INTS3: variants seen among roughly 807,000 people sequenced by gnomAD.
The protein encoded by INTS3 is SOSS complex subunit A.
A neutral mutation model predicts 146.3 loss-of-function variants in INTS3; 34 were observed. That is an observed-to-expected ratio of 0.23 (90% CI 0.18 to 0.31). The LOEUF (loss-of-function observed/expected upper bound fraction) is 0.31, where lower values mean the gene tolerates loss of function less well. Ranked by LOEUF, INTS3 falls within the 10% of genes least tolerant of loss-of-function variation. INTS3 has a pLI of 1.00. For synonymous variants in INTS3, 475 were observed against 494.9 expected (o/e 0.96, Z 0.53); for missense variants, 757 against 1,304.2 (o/e 0.58, Z 6.46).
At chr1:153,759,478 G>C (rs1405582932) in intron 10 of INTS3, 48 bp from the exon 11 acceptor site, 5 of 1,219,136 alleles carry the variant, frequency 4.1e-6, no homozygotes, top group Non-Finnish European at 6.1e-6. Context: ...GAAATGGAGG[G>C]GGGTGATTGA....
chr1:153,753,026 G>T (rs1167067592), intron 8 of INTS3, among the ~76,000 whole-genome samples: 2 of 150,298 alleles, frequency 1.3e-5, no homozygotes, highest in African/African-American at 5.0e-5. Flanking sequence ...GATCGTGCAT[G>T]CACCCGCTCC....
chr1:153,773,908 C>T lies in INTS3; in HGVS notation c.*638C>T, dbSNP rs1444567306. ...GCTTAGGTTGGTCTGAGGTTGGCAC[C>T]TCAATCTACACCAGAGCCCAGGGAG... On this transcript the variant is annotated 3_prime_UTR_variant, in exon 30 of 30. Transcript: ENST00000318967. 1 of 167,014 alleles carries T rather than the reference C, an allele frequency of 6.0e-6. No homozygotes were observed. Among genetic ancestry groups the T allele is most frequent in the Non-Finnish European group, 1.5e-5 (1 of 68,174 alleles). The allele number at this position is 167,014 out of a possible 1,614,324, so 10.3% of individuals were successfully genotyped here. A position where few individuals can be genotyped will look rare whatever the true frequency, so the allele number is the denominator to read the frequency against.
chr1:153,770,139 GTGT>G, intron 23 of INTS3, 56 bp from the exon 24 acceptor site: 1 of 852,118 alleles, frequency 1.2e-6, no homozygotes, highest in Non-Finnish European at 2.0e-6. Flanking sequence ...GGGGGGGTGT[GTGT>G]GTGTGTGTGT....
chr1:153,736,853 G>C (rs182719918), intron 1 of INTS3, among the ~76,000 whole-genome samples: 3 of 138,706 alleles, frequency 2.2e-5, no homozygotes, highest in African/African-American at 8.2e-5. Flanking sequence ...AAGCTTCGCC[G>C]ACCGGGTTCA....
In INTS3 at chr1:153,739,586, G is replaced by A. The variant is rs1423140153; in HGVS notation, c.151-1065G>A. ...CCACCTCTGGTGATCCAACCCCCTC[G>A]GCCTCCCAAAGTGCTGGGATTACAG... On this transcript the variant is annotated intron_variant, in intron 1 of 29. Coordinates refer to ENST00000318967, the MANE Select transcript of INTS3 (RefSeq NM_023015.5). 2.0e-5 allele frequency among the ~76,000 whole-genome samples: 3 copies of A among 151,622 alleles called. No homozygotes were observed. In the East Asian group the frequency reaches 5.8e-4, roughly 30 times the overall value.
At position 153,772,940 on chromosome 1, in the gene INTS3, C is replaced by T. The variant is rs142214891; in HGVS notation, c.2910C>T (p.Phe970=). ...TTTTCCTTAGATTCAGTGATCTCTTCTCCCTGGCGGAGGAATATGAGGACT... is the reference window on the plus strand; with the variant it reads ...TTTTCCTTAGATTCAGTGATCTCTTTTCCCTGGCGGAGGAATATGAGGACT... ...EAHKMKFSDL[F]SLAEEYEDSS... is the part of the protein sequence containing the mutation. The change falls in exon 29 of 30, where the codon TTC becomes TTT. Residue 970 remains phenylalanine (F), a synonymous_variant. Transcript: ENST00000318967. The surrounding 1 kb of genome is among the most constrained non-coding windows in gnomAD (Gnocchi z 4.6). 84 of 1,614,172 alleles carry T rather than the reference C, an allele frequency of 5.2e-5. No individual in the cohort carries two copies. The Middle Eastern group carries it at 6.6e-4, about 13-fold the overall frequency.
In INTS3 at chr1:153,728,562, A is replaced by G. The variant is rs973571281; in HGVS notation, c.-73A>G. ...TCCTCTTGCCCCCCAGTCCCTGGCA[A>G]TCCAGAGATCCCGATATCTAGGACT... On this transcript the variant is annotated 5_prime_UTR_variant, in exon 1 of 30. Coordinates refer to ENST00000318967, the MANE Select transcript of INTS3 (RefSeq NM_023015.5). 6.7e-7 allele frequency: 1 copy of G among 1,500,960 alleles called. No individual in the cohort carries two copies. The highest frequency in any genetic ancestry group is 8.9e-7 in the Non-Finnish European group (1 of 1,127,378). The allele number at this position is 1,500,960 out of a possible 1,614,324, so 93.0% of individuals were successfully genotyped here.
rs1670928382 is a variant in INTS3 at position 153,728,242 on chromosome 1, T to G, written c.-393T>G. 1 of 385,900 alleles carries G rather than the reference T, an allele frequency of 2.6e-6. No individual in the cohort carries two copies. The allele number at this position is 385,900 out of a possible 1,614,324, so 23.9% of individuals were successfully genotyped here. On this transcript the variant is annotated 5_prime_UTR_variant, in exon 1 of 30. Transcript: ENST00000318967. ...CTACCTCCTAATTCAGGGGCAGGAC[T>G]CCTCTTTTCCCCCCACGGGGAAAAG...
At chr1:153,761,020 G>T in intron 13 of INTS3, 102 bp downstream of exon 13, 2 of 1,545,744 alleles carry the variant, frequency 1.3e-6, no homozygotes, top group Non-Finnish European at 1.8e-6. Context: ...TCTCTGACAG[G>T]TGTAAAAAGT....
intron 11 of INTS3, 159 bp downstream of exon 11, chr1:153,759,772 A>G: frequency 1.6e-6 from 1 of 617,112 alleles, no homozygotes; most frequent in South Asian, 1.9e-5. Flanking sequence ...TTGACCTAGA[A>G]AGAGAATTGC....
In INTS3 at chr1:153,759,388, G is replaced by A. The variant is rs1431776615; in HGVS notation, c.1150-138G>A. On this transcript the variant is annotated intron_variant, in intron 10 of 29. Transcript: ENST00000318967. ...CTCATACACAACACAAGGGGGGTTA[G>A]CATTTCACCGTGTTTCACTAGGAAC... The A allele has an allele frequency of 4.2e-5, 30 of 709,336 alleles. No homozygotes were observed. The East Asian group carries it at 7.4e-4, about 17-fold the overall frequency. The allele number at this position is 709,336 out of a possible 1,614,324, so 43.9% of individuals were successfully genotyped here. A position where few individuals can be genotyped will look rare whatever the true frequency, so the allele number is the denominator to read the frequency against.
intron 1 of INTS3, among the ~76,000 whole-genome samples, chr1:153,729,589 TGGGTGC>T (rs1388279898): frequency 2.0e-5 from 3 of 152,064 alleles, no homozygotes; most frequent in African/African-American, 7.2e-5. Context: ...AGATCTAGGC[TGGGTGC>T]GGTGGCTCAC....
chr1:153,754,855 T>C, intron 9 of INTS3, 116 bp downstream of exon 9: 1 of 713,126 alleles, frequency 1.4e-6, no homozygotes, highest in South Asian at 1.6e-5. Context: ...TAAATGATCG[T>C]ACCTGATCTA....
intron 22 of INTS3, 107 bp downstream of exon 22, chr1:153,769,068 G>C: frequency 1.1e-6 from 1 of 874,992 alleles, no homozygotes; most frequent in Non-Finnish European, 1.9e-6. Context: ...ATGCCTCCCA[G>C]GCACCCTCCC....
intron 8 of INTS3, 90 bp from the exon 9 acceptor site, chr1:153,754,552 A>G (rs1672090043): frequency 1.1e-6 from 1 of 891,036 alleles, no homozygotes; most frequent in South Asian, 1.3e-5. Context: ...ACTACTGGCC[A>G]TCAGTACCTG....
intron 24 of INTS3, 55 bp from the exon 25 acceptor site, chr1:153,770,630 A>T (rs1193336354): frequency 2.0e-6 from 3 of 1,479,346 alleles, no homozygotes; most frequent in Non-Finnish European, 2.8e-6. Flanking sequence ...AGGTCCCCAG[A>T]TTCCATCCTG....
rs1055482542 is a variant in INTS3 at position 153,748,762 on chromosome 1, T to C, written c.584+7T>C. ...ATATCCTGACAGAGCAAAGGTAGCA[T>C]CCACCACGAAGGGTGGGGTACAGGC... On this transcript the variant is annotated splice_region_variant and intron_variant, in intron 6 of 29. Coordinates refer to ENST00000318967, the MANE Select transcript of INTS3 (RefSeq NM_023015.5). The C allele has an allele frequency of 1.9e-6, 3 of 1,612,904 alleles. No individual in the cohort carries two copies. The African/African-American group carries it at 4.0e-5, about 22-fold the overall frequency.
Position 153,746,986 on chromosome 1 carries a change from T to G in INTS3, c.348T>G (p.Arg116=). 2 of 1,613,858 alleles carry G rather than the reference T, an allele frequency of 1.2e-6. No homozygotes were observed. Among genetic ancestry groups the G allele is most frequent in the Non-Finnish European group, 1.7e-6 (2 of 1,179,776 alleles). ...KCYRDLALVS[R]DGMNIVLNKI... is the part of the protein sequence containing the mutation. Reference sequence around the variant, plus strand: ...ACCGGGACTTAGCTCTGGTGAGTCGTGATGGCATGAATATTGTCCTGAATA... The same window carrying G: ...ACCGGGACTTAGCTCTGGTGAGTCGGGATGGCATGAATATTGTCCTGAATA... The change falls in exon 4 of 30, where the codon CGT becomes CGG. Residue 116 remains arginine (R), a synonymous_variant. Transcript: ENST00000318967.
chr1:153,768,478 C>G (rs1209340981), intron 21 of INTS3, among the ~76,000 whole-genome samples: 4 of 152,212 alleles, frequency 2.6e-5, no homozygotes, highest in Non-Finnish European at 4.4e-5. Flanking sequence ...CATAAACTCT[C>G]TACACCACCT....
Sources: allele counts gnomAD v4.1 joint callset (sites outside exome capture counted in the v4.1 genomes callset), GRCh38; gene constraint gnomAD v4.1.1; non-coding constraint Gnocchi (gnomAD v3.1); transcripts MANE v1.5; gene names NCBI Gene and HGNC (gene_info 2026-07-23, HGNC 2026-07-21).